Variants in TRIM40 observed in about 807,000 individuals in gnomAD.
TRIM40 encodes the protein E3 ubiquitin ligase TRIM40.
In TRIM40, 27 loss-of-function variants were observed where a neutral mutation model predicts 26.1. That is an observed-to-expected ratio of 1.04 (90% confidence interval 0.76 to 1.43). TRIM40 has a LOEUF of 1.43. Among genes scored for constraint, TRIM40 ranks in the 40% most tolerant of loss-of-function variants. The probability of loss-of-function intolerance (pLI) is 0.00; values close to 1 mark genes in which losing one functional copy is unlikely to be tolerated. For missense variants in TRIM40, 289 were observed against 307.9 expected (o/e 0.94, Z 0.46); for synonymous variants, 114 against 120.0 (o/e 0.95, Z 0.33).
rs181596743 is a variant in TRIM40, at chr6:30,148,708, A to G, written c.*896A>G. 1,195 of 152,368 alleles carry G rather than the reference A, an allele frequency of 7.8e-3. 55 individuals carry two copies. In the South Asian group the frequency reaches 0.13, roughly 16 times the overall value. The allele number at this position is 152,368 out of a possible 1,614,324, so 9.4% of individuals were successfully genotyped here. Reference sequence around the variant, plus strand: ...ATTTCCCACCCACAGAAACAGTGTGACAATAAATGTGTGTGTGTTTTTTTG... The same window carrying G: ...ATTTCCCACCCACAGAAACAGTGTGGCAATAAATGTGTGTGTGTTTTTTTG... On this transcript the variant is annotated 3_prime_UTR_variant, in exon 6 of 6. Coordinates refer to ENST00000396581, the MANE Select transcript of TRIM40 (RefSeq NM_001286633.2).
At position 30,136,845 on chromosome 6, in the gene TRIM40, G is replaced by T. The variant is rs1771027888; in HGVS notation, c.-192G>T. On this transcript the variant is annotated 5_prime_UTR_variant, in exon 2 of 6. It removes an upstream start codon present in the reference 5' UTR. Transcript: ENST00000396581. ...CAGAATTGTGGTTTGTGTGGTCTAT[G>T]TCACGGCACCCTTGAGGGAGAGTGG... 3.3e-6 allele frequency: 2 copies of T among 603,222 alleles called. No individual in the cohort carries two copies. The highest frequency in any genetic ancestry group is 5.9e-6 in the Non-Finnish European group (2 of 341,876). The allele number at this position is 603,222 out of a possible 1,614,324, so 37.4% of individuals were successfully genotyped here. A position where few individuals can be genotyped will look rare whatever the true frequency, so the allele number is the denominator to read the frequency against.
At chr6:30,145,934 C>A in intron 2 of TRIM40, 60 bp from the exon 3 acceptor site, 1 of 1,355,184 alleles carries the variant, frequency 7.4e-7, no homozygotes, top group Non-Finnish European at 1.1e-6. Context: ...TCCATTGACT[C>A]CTCCCAGTGG....
At chr6:30,146,378 C>T (rs1326538664) in intron 3 of TRIM40, among the ~76,000 whole-genome samples, 1 of 152,130 alleles carries the variant, frequency 6.6e-6, no homozygotes, top group African/African-American at 2.4e-5. Flanking sequence ...CTGAAAATTA[C>T]TACACAAGCC....
intron 2 of TRIM40, among the ~76,000 whole-genome samples, chr6:30,140,334 C>T (rs9261481): frequency 0.19 from 29,632 of 152,074 alleles, 3,314 homozygotes; most frequent in East Asian, 0.27. Flanking sequence ...TGCCCATCAA[C>T]GATAGACTGG....
In TRIM40 at chr6:30,137,214, T is replaced by G; in HGVS notation, c.178T>G (p.Cys60Gly). The G allele has an allele frequency of 6.2e-7, 1 of 1,613,060 alleles. No individual in the cohort carries two copies. The highest frequency in any genetic ancestry group is 8.5e-7 in the Non-Finnish European group (1 of 1,180,014). Residue 60 changes from cysteine (C) to glycine (G), a missense_variant, in exon 2 of 6, where the codon TGT (cysteine) becomes GGT (glycine). Physicochemically the swap from Cys to Gly is radical, Grantham distance 159. Coordinates refer to ENST00000396581, the MANE Select transcript of TRIM40 (RefSeq NM_001286633.2). ...VFCCPLCRKPCSEEVLGTGYI... is the reference protein window; with the variant it reads ...VFCCPLCRKPGSEEVLGTGYI... ...CTGCTGCCCCCTCTGCCGGAAGCCC[T>G]GTTCTGAGGAGGTGCTAGGGACAGG...
intron 2 of TRIM40, among the ~76,000 whole-genome samples, chr6:30,145,551 A>G (rs1277982587): frequency 1.3e-5 from 2 of 152,200 alleles, no homozygotes; most frequent in Admixed American, 1.3e-4. Flanking sequence ...AAAGGGCTCT[A>G]TCTTGTCACT....
intron 2 of TRIM40, among the ~76,000 whole-genome samples, chr6:30,138,466 A>G (rs1024679108): frequency 6.6e-6 from 1 of 152,208 alleles, no homozygotes; most frequent in African/African-American, 2.4e-5. Flanking sequence ...TTGAATGCCA[A>G]TGTCATAATA....
chr6:30,142,880 G>C (rs922248296), intron 2 of TRIM40, among the ~76,000 whole-genome samples: 3 of 151,528 alleles, frequency 2.0e-5, no homozygotes, highest in African/African-American at 7.3e-5. Flanking sequence ...CTAGTCCATT[G>C]ATTATTCTTT....
chr6:30,138,112 T>C lies in TRIM40; in HGVS notation c.345+731T>C, dbSNP rs547811915. Among the ~76,000 whole-genome samples the C allele has an allele frequency of 3.3e-5, 5 of 152,260 alleles. No homozygotes were observed. The South Asian group carries it at 1.0e-3, about 32-fold the overall frequency. On this transcript the variant is annotated intron_variant, in intron 2 of 5. Coordinates refer to ENST00000396581, the MANE Select transcript of TRIM40 (RefSeq NM_001286633.2). Reference sequence around the variant, plus strand: ...ACACCCTCAAAGGATTCTCTCTATATTTTTTTCTGTAACTCATTTTTGTTA... The same window carrying C: ...ACACCCTCAAAGGATTCTCTCTATACTTTTTTCTGTAACTCATTTTTGTTA...
rs1771207884 is a variant in TRIM40 at position 30,139,407 on chromosome 6, G to A, written c.345+2026G>A. 1.4e-5 allele frequency among the ~76,000 whole-genome samples: 2 copies of A among 138,104 alleles called. 1 individual carries two copies. Among genetic ancestry groups the A allele is most frequent in the South Asian group, 4.7e-4 (2 of 4,292 alleles). The allele number at this position is 138,104 out of a possible 152,430, so 90.6% of individuals were successfully genotyped here. A position where few individuals can be genotyped will look rare whatever the true frequency, so the allele number is the denominator to read the frequency against. On this transcript the variant is annotated intron_variant, in intron 2 of 5. Transcript: ENST00000396581. ...CACCCAAGCTGGAGAGCAGTGGCATGATCTCGGCTCACTGCAACCTCCGTC... is the reference window on the plus strand; with the variant it reads ...CACCCAAGCTGGAGAGCAGTGGCATAATCTCGGCTCACTGCAACCTCCGTC...
At chr6:30,144,194 T>C (rs116575272) in intron 2 of TRIM40, among the ~76,000 whole-genome samples, 2,065 of 152,226 alleles carry the variant, frequency 0.014, 29 homozygotes, top group Middle Eastern at 0.041. Flanking sequence ...AGTTTGGGCT[T>C]ATCTTTGTTG....
chr6:30,143,560 T>G (rs1305715141), intron 2 of TRIM40, among the ~76,000 whole-genome samples: 1 of 152,080 alleles, frequency 6.6e-6, no homozygotes, highest in African/African-American at 2.4e-5. Context: ...TTTTAAAAAT[T>G]TAATATGATT....
intron 3 of TRIM40, among the ~76,000 whole-genome samples, chr6:30,146,334 C>T (rs1562098835): frequency 6.6e-6 from 1 of 152,190 alleles, no homozygotes; most frequent in Non-Finnish European, 1.5e-5. Flanking sequence ...GCCTGGATCA[C>T]AGTAGGGATC....
At position 30,147,735 on chromosome 6, in the gene TRIM40, CA is replaced by C; in HGVS notation, c.701del (p.Gln234ArgfsTer3). 6.2e-7 allele frequency: 1 copy of C among 1,614,122 alleles called. No individual in the cohort carries two copies. The highest frequency in any genetic ancestry group is 8.5e-7 in the Non-Finnish European group (1 of 1,179,976). On this transcript the variant is annotated frameshift_variant, in exon 6 of 6. Transcript: ENST00000396581. LOFTEE classifies it low-confidence loss of function (END_TRUNC). ...TTTCTTTGTTTCTAGGAGTGCTCCA[CA>C]GAAATTAGAGGTTATTTATCCCCAG... Reference protein sequence around the residue: ...AGDLLNRSAPQKLEVIYPQLE... With the variant: ...AGDLLNRSAPXKLEVIYPQLE...
At position 30,147,877 on chromosome 6, in the gene TRIM40, C is replaced by T; in HGVS notation, c.*65C>T. 7.1e-7 allele frequency: 1 copy of T among 1,406,572 alleles called. No individual in the cohort carries two copies. The highest frequency in any genetic ancestry group is 1.0e-6 in the Non-Finnish European group (1 of 992,186). The allele number at this position is 1,406,572 out of a possible 1,614,324, so 87.1% of individuals were successfully genotyped here. On this transcript the variant is annotated 3_prime_UTR_variant, in exon 6 of 6. Coordinates refer to ENST00000396581, the MANE Select transcript of TRIM40 (RefSeq NM_001286633.2). ...AGCCTCCTCTCTCTCCTTCCTCCAACCTGTCCAGGCCCCCACTGGGTCTAC... is the reference window on the plus strand; with the variant it reads ...AGCCTCCTCTCTCTCCTTCCTCCAATCTGTCCAGGCCCCCACTGGGTCTAC...
At chr6:30,141,420 C>T (rs142507303) in intron 2 of TRIM40, among the ~76,000 whole-genome samples, 2 of 152,268 alleles carry the variant, frequency 1.3e-5, no homozygotes, top group East Asian at 3.9e-4. Flanking sequence ...GGGTAAGGTT[C>T]TGGGAAAGGC....
rs1436357105 is a variant in TRIM40 at position 30,148,613 on chromosome 6, T to G, written c.*801T>G. ...TCCCCAACTGAGCCGGATAAGAACC[T>G]AGTCCAGCCAACACCTTGATTATAG... On this transcript the variant is annotated 3_prime_UTR_variant, in exon 6 of 6. Coordinates refer to ENST00000396581, the MANE Select transcript of TRIM40 (RefSeq NM_001286633.2). The G allele has an allele frequency of 3.9e-5, 6 of 152,232 alleles. No individual in the cohort carries two copies. Among genetic ancestry groups the G allele is most frequent in the Admixed American group, 3.9e-4 (6 of 15,268 alleles). The allele number at this position is 152,232 out of a possible 1,614,324, so 9.4% of individuals were successfully genotyped here.
intron 2 of TRIM40, among the ~76,000 whole-genome samples, chr6:30,138,661 T>A (rs536658671): frequency 6.6e-6 from 1 of 152,326 alleles, no homozygotes; most frequent in South Asian, 2.1e-4. Context: ...TATTTGTATA[T>A]CTTTATTTTG....
intron 2 of TRIM40, among the ~76,000 whole-genome samples, chr6:30,139,699 CAT>C (rs895511072): frequency 6.6e-6 from 1 of 152,048 alleles, no homozygotes; most frequent in Non-Finnish European, 1.5e-5. Flanking sequence ...GTGAGGGCCT[CAT>C]AGAGGAAGTG....
Sources: gnomAD v4.1 joint callset for allele counts (sites outside exome capture counted in the v4.1 genomes callset) on GRCh38, gnomAD v4.1.1 for gene constraint, MANE v1.5 for transcripts, NCBI Gene and HGNC (gene_info 2026-07-23, HGNC 2026-07-21) for gene names.